ACSF3: variants seen among roughly 807,000 people sequenced by gnomAD.
ACSF3 encodes malonate--CoA ligase ACSF3, mitochondrial.
ACSF3 carries 78 observed loss-of-function variants against 53.2 expected under a neutral mutation model. That is an observed-to-expected ratio of 1.47 (90% confidence interval 1.22 to 1.77). ACSF3 has a LOEUF of 1.77. ACSF3 is among the 40% of genes most tolerant of loss of function. ACSF3 has a pLI of 0.00. For synonymous variants in ACSF3, 414 were observed against 333.1 expected (o/e 1.24, Z -2.65); for missense variants, 937 against 771.1 (o/e 1.22, Z -2.55).
intron 7 of ACSF3, among the ~76,000 whole-genome samples, chr16:89,123,965 GCA>G (rs1315444069): frequency 2.6e-5 from 4 of 152,054 alleles, no homozygotes; most frequent in African/African-American, 9.6e-5. Flanking sequence ...CACACGGATA[GCA>G]CACGTAGTAC....
At chr16:89,147,328 GGGGGGAGGGGCCACAGAGTGAGC>G (rs1242152299) in intron 10 of ACSF3, among the ~76,000 whole-genome samples, 18 of 74,508 alleles carry the variant, frequency 2.4e-4, no homozygotes, top group Admixed American at 7.0e-4. Context: ...AGTGAGCAAG[GGGGGGAGGGGCCACAGAGTGAGC>G]GGGGGAGGGG....
At chr16:89,105,122 G>A (rs1396329268) in intron 4 of ACSF3, among the ~76,000 whole-genome samples, 2 of 151,798 alleles carry the variant, frequency 1.3e-5, no homozygotes, top group South Asian at 2.1e-4. Flanking sequence ...CCTCCCTGAG[G>A]GCCCCGTCTC....
chr16:89,136,390 G>A (rs1348228479), intron 8 of ACSF3, among the ~76,000 whole-genome samples: 2 of 152,230 alleles, frequency 1.3e-5, no homozygotes, highest in African/African-American at 2.4e-5. Flanking sequence ...ATTGGCTCTC[G>A]GGGGTAAGGC....
rs59213357 is a variant in ACSF3, at chr16:89,100,978, C to T, written c.297C>T (p.Ser99=). The part of the protein sequence containing the change: ...VGGDLREERV[S]FLCANDASYV... ...GGGACCTCCGGGAGGAGAGGGTCTC[C>T]TTCCTATGCGCTAACGATGCCTCCT... The change falls in exon 3 of 11, where the codon TCC becomes TCT. Residue 99 remains serine, a synonymous_variant. Coordinates refer to ENST00000614302, the MANE Select transcript of ACSF3 (RefSeq NM_001243279.3). 6.9e-3 allele frequency: 11,204 copies of T among 1,613,624 alleles called. 321 individuals carry two copies. Among genetic ancestry groups the T allele is most frequent in the East Asian group, 0.047 (2,129 of 44,884 alleles).
chr16:89,146,058 G>T lies in ACSF3; in HGVS notation c.1613+9G>T, dbSNP rs974191447. The T allele has an allele frequency of 6.5e-7, 1 of 1,532,114 alleles. No individual in the cohort carries two copies. The highest frequency in any genetic ancestry group is 9.0e-7 in the Non-Finnish European group (1 of 1,106,710). The allele number at this position is 1,532,114 out of a possible 1,614,324, so 94.9% of individuals were successfully genotyped here. On this transcript the variant is annotated intron_variant, in intron 10 of 10. Coordinates refer to ENST00000614302, the MANE Select transcript of ACSF3 (RefSeq NM_001243279.3). ...CTCAAAGAGTGGGCCAGGTAGGGCTGGGTGGGGCGGGCAGGGAGCACTCAT... is the reference window on the plus strand; with the variant it reads ...CTCAAAGAGTGGGCCAGGTAGGGCTTGGTGGGGCGGGCAGGGAGCACTCAT...
At chr16:89,102,532 C>A in intron 3 of ACSF3, 72 bp from the exon 4 acceptor site, 1 of 1,579,730 alleles carries the variant, frequency 6.3e-7, no homozygotes, top group Non-Finnish European at 8.7e-7. Flanking sequence ...TTTCCGTGAG[C>A]CCGAGGTCTG....
intron 9 of ACSF3, 143 bp from the exon 10 acceptor site, chr16:89,145,795 A>C: frequency 1.3e-6 from 1 of 799,430 alleles, no homozygotes; most frequent in Non-Finnish European, 2.2e-6. Context: ...CAGCACCAGG[A>C]CGAGTGATTG....
In ACSF3 at chr16:89,112,261, C is replaced by T; in HGVS notation, c.977+15C>T. On this transcript the variant is annotated intron_variant, in intron 5 of 10. Coordinates refer to ENST00000614302, the MANE Select transcript of ACSF3 (RefSeq NM_001243279.3). ...GAAAAAATTAGGTAAGTGAAAAGAG[C>T]CCACTTTCTCGTTCAGAAAGTCTTA... is the stretch of plus-strand genomic sequence containing the variant. The T allele has an allele frequency of 1.9e-6, 3 of 1,613,688 alleles. No homozygotes were observed. The highest frequency in any genetic ancestry group is 1.3e-5 in the African/African-American group (1 of 75,006).
intron 10 of ACSF3, 68 bp downstream of exon 10, chr16:89,146,117 T>G (rs970232852): frequency 8.7e-7 from 1 of 1,148,226 alleles, no homozygotes; most frequent in African/African-American, 1.5e-5. Flanking sequence ...AGGGCCACCC[T>G]AGGTATTGGC....
At chr16:89,119,264 C>T (rs572718971) in intron 6 of ACSF3, among the ~76,000 whole-genome samples, 112 of 152,344 alleles carry the variant, frequency 7.4e-4, no homozygotes, top group African/African-American at 2.6e-3. Flanking sequence ...CGCCCCTACC[C>T]CAGCCGTGCC....
chr16:89,123,521 G>C, intron 7 of ACSF3, among the ~76,000 whole-genome samples: 1 of 152,170 alleles, frequency 6.6e-6, no homozygotes, highest in East Asian at 1.9e-4. Flanking sequence ...TGGGCTGTCC[G>C]ATCCACTCTT....
rs1597870234 is a variant in ACSF3 at position 89,097,177 on chromosome 16, T to G, written c.-193-1414T>G. Among the ~76,000 whole-genome samples, 3 of 152,226 alleles carry G rather than the reference T, an allele frequency of 2.0e-5. No individual in the cohort carries two copies. In the East Asian group the frequency reaches 5.8e-4, roughly 29 times the overall value. On this transcript the variant is annotated intron_variant, in intron 1 of 10. Transcript: ENST00000614302. ...TGCTCAGCGTGTGGTTAGCGTGTGC[T>G]CAGCGTGTGGTTACCGTGTGCACAG... is the stretch of plus-strand genomic sequence containing the variant.
Position 89,144,457 on chromosome 16 carries a change from G to A in ACSF3, c.1367-810G>A, listed in dbSNP as rs183146242. 9.2e-5 allele frequency among the ~76,000 whole-genome samples: 14 copies of A among 152,358 alleles called. No homozygotes were observed. The East Asian group carries it at 2.5e-3, about 27-fold the overall frequency. On this transcript the variant is annotated intron_variant, in intron 8 of 10. Coordinates refer to ENST00000614302, the MANE Select transcript of ACSF3 (RefSeq NM_001243279.3). ...AAGGCCCTGTCCTCCTCAGCCACCA[G>A]CCCCTCCCTGTGGCCTCTGCGTGGG...
rs140941507 is a variant in ACSF3, at chr16:89,101,314, C to T, written c.633C>T (p.Gly211=). The change falls in exon 3 of 11, where the codon GGC becomes GGT. Residue 211 remains glycine, a synonymous_variant. Transcript: ENST00000614302. ...GTGGGACCACGGGGAGGCCCAAGGG[C>T]GTGCTGAGCACGCACCAAAACATCA... ...YTSGTTGRPK[G]VLSTHQNIRA... is the part of the protein sequence containing the mutation. 1.7e-4 allele frequency: 268 copies of T among 1,598,610 alleles called. 1 individual carries two copies. The highest frequency in any genetic ancestry group is 1.5e-3 in the African/African-American group (115 of 74,782).
At chr16:89,136,770 G>C (rs779814124) in intron 8 of ACSF3, 77 of 1,287,252 alleles carry the variant, frequency 6.0e-5, no homozygotes, top group East Asian at 2.2e-4. Context: ...ATCACACAGC[G>C]GGCTTGTGAG....
chr16:89,102,626 G>A lies in ACSF3; in HGVS notation c.689G>A (p.Trp230Ter), dbSNP rs145583876. The change falls in exon 4 of 11, where the codon TGG becomes TAG. Residue 230 changes from tryptophan to a stop codon, truncating the protein, a stop_gained. Coordinates refer to ENST00000614302, the MANE Select transcript of ACSF3 (RefSeq NM_001243279.3). LOFTEE classifies it high-confidence loss of function. Reference sequence around the variant, plus strand: ...CAGGTGACCGGGCTGGTCCACAAGTGGGCATGGACCAAAGACGACGTGATC... The same window carrying A: ...CAGGTGACCGGGCTGGTCCACAAGTAGGCATGGACCAAAGACGACGTGATC... ...RAVVTGLVHK[W>*]AWTKDDVILH... 155 of 1,613,822 alleles carry A rather than the reference G, an allele frequency of 9.6e-5. No individual in the cohort carries two copies. In the East Asian group the frequency reaches 3.4e-3, roughly 36 times the overall value.
At chr16:89,113,707 G>A in intron 5 of ACSF3, 1 of 175,094 alleles carries the variant, frequency 5.7e-6, no homozygotes, top group South Asian at 1.2e-4. Context: ...GAGGCTGCGG[G>A]AAATGCTGTG....
rs746031913 is a variant in ACSF3, at chr16:89,101,097, G to A, written c.416G>A (p.Cys139Tyr). ...HPAAQLEYVI[C>Y]DSQSSVVLAS... ...GCGGCCCAGCTGGAGTATGTCATCT[G>A]CGACTCCCAGAGCTCTGTGGTCCTT... The change falls in exon 3 of 11, where the codon TGC becomes TAC. Residue 139 changes from cysteine (C) to tyrosine (Y), a missense_variant. Cys to Tyr is a radical substitution (Grantham distance 194, BLOSUM62 -2). Transcript: ENST00000614302. 2.5e-6 allele frequency: 4 copies of A among 1,613,966 alleles called. No individual in the cohort carries two copies. The highest frequency in any genetic ancestry group is 3.4e-6 in the Non-Finnish European group (4 of 1,180,042).
intron 8 of ACSF3, among the ~76,000 whole-genome samples, chr16:89,142,792 C>T (rs551811652): frequency 4.7e-5 from 7 of 148,804 alleles, no homozygotes; most frequent in African/African-American, 1.8e-4. Flanking sequence ...CACCTGCAGA[C>T]ACACCCACAC....
Sources: gnomAD v4.1 joint callset for allele counts (sites outside exome capture counted in the v4.1 genomes callset) on GRCh38, gnomAD v4.1.1 for gene constraint, MANE v1.5 for transcripts, NCBI Gene and HGNC (gene_info 2026-07-23, HGNC 2026-07-21) for gene names.